The following HNF4G variants were observed in gnomAD, a reference collection of about 807,000 sequenced individuals.
HNF4G encodes hepatocyte nuclear factor 4 gamma.
A neutral mutation model predicts 50.9 loss-of-function variants in HNF4G; 21 were observed. The ratio of observed to expected loss-of-function variants is 0.41; its 90% CI spans 0.29 to 0.59. HNF4G has a LOEUF of 0.59. Among genes scored for constraint, HNF4G ranks in the 20% least tolerant of loss-of-function variants. HNF4G has a pLI of 0.26. For missense variants in HNF4G, 527 were observed against 559.4 expected (o/e 0.94, Z 0.58); for synonymous variants, 198 against 185.6 (o/e 1.07, Z -0.54).
At chr8:75,526,454 G>C (rs1806183256) in intron 2 of HNF4G, among the ~76,000 whole-genome samples, 1 of 152,132 alleles carries the variant, frequency 6.6e-6, no homozygotes, top group Admixed American at 6.6e-5. Context: ...GAAGTCCAAG[G>C]CAATGAGCAA....
At chr8:75,549,787 G>A (rs1806893956) in intron 3 of HNF4G, among the ~76,000 whole-genome samples, 1 of 151,672 alleles carries the variant, frequency 6.6e-6, no homozygotes, top group Non-Finnish European at 1.5e-5. Flanking sequence ...AGTCCCCAGA[G>A]TGTGATGTTC....
intron 1 of HNF4G, among the ~76,000 whole-genome samples, chr8:75,479,772 A>G (rs1287708836): frequency 1.3e-5 from 2 of 152,148 alleles, no homozygotes; most frequent in African/African-American, 2.4e-5. Flanking sequence ...ATGAAAAAAA[A>G]AGAACATTTC....
chr8:75,534,196 A>G (rs2941459), intron 2 of HNF4G, among the ~76,000 whole-genome samples: 43,928 of 151,716 alleles, frequency 0.29, 6,885 homozygotes, highest in African/African-American at 0.4. Flanking sequence ...CAACAATGAT[A>G]ATACCCATTG....
chr8:75,486,143 T>C (rs1165134184), intron 1 of HNF4G, among the ~76,000 whole-genome samples: 1 of 152,230 alleles, frequency 6.6e-6, no homozygotes, highest in Non-Finnish European at 1.5e-5. Context: ...CTGCCTTAAC[T>C]GGATTCTTAA....
In HNF4G at chr8:75,509,361, A is replaced by G. The variant is rs547420648; in HGVS notation, c.-24+19153A>G. Among the ~76,000 whole-genome samples, 22 of 152,338 alleles carry G rather than the reference A, an allele frequency of 1.4e-4. No homozygotes were observed. In the South Asian group the frequency reaches 4.6e-3, roughly 32 times the overall value. Reference sequence around the variant, plus strand: ...TGTCCTGGATCTAAGATTTGTCTGAAGAGACCACATGCCAAGAGGAGGTGT... The same window carrying G: ...TGTCCTGGATCTAAGATTTGTCTGAGGAGACCACATGCCAAGAGGAGGTGT... On this transcript the variant is annotated intron_variant, in intron 2 of 10. Coordinates refer to the HNF4G transcript ENST00000354370.
At chr8:75,451,134 T>G (rs1384946710) in intron 1 of HNF4G, among the ~76,000 whole-genome samples, 1 of 152,212 alleles carries the variant, frequency 6.6e-6, no homozygotes, top group Non-Finnish European at 1.5e-5. Context: ...GTATGCCTTT[T>G]TTTTTGAGAA....
intron 2 of HNF4G, among the ~76,000 whole-genome samples, chr8:75,505,334 C>T (rs979940294): frequency 1.5e-4 from 23 of 152,048 alleles, no homozygotes; most frequent in Non-Finnish European, 2.5e-4. Context: ...TGCTTCTTTC[C>T]TGATTCATTT....
intron 2 of HNF4G, among the ~76,000 whole-genome samples, chr8:75,508,427 C>A (rs1444099946): frequency 1.3e-5 from 2 of 149,090 alleles, no homozygotes; most frequent in African/African-American, 2.5e-5. Flanking sequence ...CAAATAAATT[C>A]TAAATATATT....
At chr8:75,498,810 TA>T (rs1163844530) in intron 2 of HNF4G, among the ~76,000 whole-genome samples, 8 of 152,096 alleles carry the variant, frequency 5.3e-5, no homozygotes, top group Admixed American at 3.3e-4. Flanking sequence ...ATCATCTCAG[TA>T]GAAACAGAAA....
intron 1 of HNF4G, 116 bp downstream of exon 1, chr8:75,540,196 T>C (rs1585937028): frequency 1.6e-6 from 1 of 621,338 alleles, no homozygotes; most frequent in East Asian, 2.8e-5. Context: ...GTTTAGGGCT[T>C]GCTTTTAAGG....
rs557191856 is a variant in HNF4G, at chr8:75,504,606, C to T, written c.-24+14398C>T. On this transcript the variant is annotated intron_variant, in intron 2 of 10. Coordinates refer to the HNF4G transcript ENST00000354370. ...AACACATAATGTCATTTACAAAAAG[C>T]TCATTTTCTAGGCATAATATATTTT... 2.0e-5 allele frequency among the ~76,000 whole-genome samples: 3 copies of T among 152,200 alleles called. No homozygotes were observed. The South Asian group carries it at 6.2e-4, about 32-fold the overall frequency.
At chr8:75,472,896 G>A (rs925549477) in intron 1 of HNF4G, among the ~76,000 whole-genome samples, 12 of 152,184 alleles carry the variant, frequency 7.9e-5, no homozygotes, top group Non-Finnish European at 1.8e-4. Context: ...TAAATGAGAT[G>A]TAAATGAACC....
At chr8:75,527,214 CCTTATAGAGAAAATATGTGA>C (rs75577030) in intron 2 of HNF4G, 36,944 of 151,918 alleles carry the variant, frequency 0.24, 4,790 homozygotes, top group South Asian at 0.31. Flanking sequence ...CTATGATGTG[CCTTATAGAGAAAATATGTGA>C]CTTATAGAGA....
intron 2 of HNF4G, among the ~76,000 whole-genome samples, chr8:75,546,052 G>A (rs544150189): frequency 1.3e-5 from 2 of 152,006 alleles, no homozygotes; most frequent in Non-Finnish European, 2.9e-5. Context: ...AGTGGACACC[G>A]ATAGTTTTTA....
At chr8:75,558,718 C>T (rs760171844) in intron 7 of HNF4G, 48 bp downstream of exon 7, 32 of 1,576,758 alleles carry the variant, frequency 2.0e-5, no homozygotes, top group Non-Finnish European at 2.7e-5. Context: ...AAAAATTGAA[C>T]TACTTTTCAA....
In HNF4G at chr8:75,458,955, T is replaced by C. The variant is rs533000895; in HGVS notation, c.-143-31134T>C. Among the ~76,000 whole-genome samples the C allele has an allele frequency of 5.3e-5, 8 of 152,334 alleles. No individual in the cohort carries two copies. In the East Asian group the frequency reaches 9.6e-4, roughly 18 times the overall value. Reference sequence around the variant, plus strand: ...ATTTTTAAAGGTCAGTAATGGTCTTTATCTCAGGCAATAAAGATTATGAAA... The same window carrying C: ...ATTTTTAAAGGTCAGTAATGGTCTTCATCTCAGGCAATAAAGATTATGAAA... On this transcript the variant is annotated intron_variant, in intron 1 of 10. Coordinates refer to the HNF4G transcript ENST00000354370.
At chr8:75,461,809 T>C (rs1267297950) in intron 1 of HNF4G, among the ~76,000 whole-genome samples, 1 of 151,050 alleles carries the variant, frequency 6.6e-6, no homozygotes, top group Non-Finnish European at 1.5e-5. Flanking sequence ...CAACAATTGC[T>C]AATAATAAAA....
At chr8:75,457,840 A>G (rs185452429) in intron 1 of HNF4G, among the ~76,000 whole-genome samples, 24 of 152,218 alleles carry the variant, frequency 1.6e-4, no homozygotes, top group African/African-American at 5.5e-4. Flanking sequence ...TATGTTAATT[A>G]CATATAATAT....
intron 2 of HNF4G, among the ~76,000 whole-genome samples, chr8:75,505,451 A>T (rs560769553): frequency 2.1e-4 from 32 of 152,234 alleles, no homozygotes; most frequent in Admixed American, 6.5e-4. Context: ...TCATTCTTTA[A>T]CCCTTATTCC....
Sources: allele counts gnomAD v4.1 joint callset (sites outside exome capture counted in the v4.1 genomes callset), GRCh38; gene constraint gnomAD v4.1.1; transcripts MANE v1.5; gene names NCBI Gene and HGNC (gene_info 2026-07-23, HGNC 2026-07-21).